SYT6: variants seen among roughly 807,000 people sequenced by gnomAD.
SYT6 encodes synaptotagmin 6.
Under a neutral mutation model 38.4 loss-of-function variants are expected in SYT6, and 24 were observed. That is an observed-to-expected ratio of 0.62 (90% CI 0.45 to 0.88). SYT6 has a LOEUF of 0.88. SYT6 is among the 40% of genes least tolerant of loss of function. SYT6 has a pLI of 0.00. For synonymous variants in SYT6, 265 were observed against 241.9 expected (o/e 1.10, Z -0.89); for missense variants, 611 against 621.0 (o/e 0.98, Z 0.17).
intron 3 of SYT6, among the ~76,000 whole-genome samples, chr1:114,113,887 A>G (rs1676836425): frequency 6.6e-6 from 1 of 152,186 alleles, no homozygotes; most frequent in South Asian, 2.1e-4. Context: ...CACTAGGAAT[A>G]AAAACAAAAG....
intron 4 of SYT6, among the ~76,000 whole-genome samples, chr1:114,100,631 C>G (rs969269712): frequency 6.6e-6 from 1 of 152,222 alleles, no homozygotes; most frequent in Non-Finnish European, 1.5e-5. Flanking sequence ...TTTAATCAAC[C>G]TGCTGTCTCA....
At chr1:114,122,384 A>T (rs957863860) in intron 3 of SYT6, among the ~76,000 whole-genome samples, 1 of 152,192 alleles carries the variant, frequency 6.6e-6, no homozygotes, top group Non-Finnish European at 1.5e-5. Context: ...GGAGTCCTCC[A>T]GGGGGAGGAG....
chr1:114,122,276 T>C (rs1034579221), intron 3 of SYT6, among the ~76,000 whole-genome samples: 8 of 152,308 alleles, frequency 5.3e-5, no homozygotes, highest in Admixed American at 5.2e-4. Flanking sequence ...TTAAGGTTAT[T>C]CCTAAGCGCA....
At chr1:114,130,939 C>T (rs1466885954) in intron 3 of SYT6, among the ~76,000 whole-genome samples, 2 of 152,206 alleles carry the variant, frequency 1.3e-5, no homozygotes, top group Non-Finnish European at 2.9e-5. Context: ...CACAGTGGAT[C>T]AATTAGCTGA....
chr1:114,114,832 T>C (rs1676897544), intron 3 of SYT6, among the ~76,000 whole-genome samples: 1 of 152,202 alleles, frequency 6.6e-6, no homozygotes, highest in South Asian at 2.1e-4. Flanking sequence ...AAGCAAAAGT[T>C]AAGGCATAAA....
At position 114,137,761 on chromosome 1, in the gene SYT6, C is replaced by A; in HGVS notation, c.805G>T (p.Val269Phe). The A allele has an allele frequency of 6.2e-7, 1 of 1,614,132 alleles. No homozygotes were observed. The highest frequency in any genetic ancestry group is 1.1e-5 in the South Asian group (1 of 91,074). Residue 269 changes from valine to phenylalanine, a missense_variant, in exon 3 of 8, where the codon GTC becomes TTC. Val to Phe is a conservative substitution (Grantham distance 50). Coordinates refer to ENST00000610222, the MANE Select transcript of SYT6 (RefSeq NM_001253772.2). Reference sequence around the variant, plus strand: ...CGGTCAGGCAGGAGGTAGATCTTGACATAAGGGTCAGAGCTTCCACAAAAG... The same window carrying A: ...CGGTCAGGCAGGAGGTAGATCTTGAAATAAGGGTCAGAGCTTCCACAAAAG... ...KDFCGSSDPY[V>F]KIYLLPDRKC... is the part of the protein sequence containing the mutation.
chr1:114,092,963 A>AC (rs1337986179), intron 7 of SYT6, among the ~76,000 whole-genome samples: 1 of 152,102 alleles, frequency 6.6e-6, no homozygotes, highest in Non-Finnish European at 1.5e-5. Flanking sequence ...GGCTGAAGAG[A>AC]CCCAGTACTG....
intron 3 of SYT6, among the ~76,000 whole-genome samples, chr1:114,129,580 CTTT>C (rs2101062897): frequency 1.0e-5 from 1 of 96,464 alleles, no homozygotes; most frequent in African/African-American, 3.8e-5. Flanking sequence ...TTCTTTCTTT[CTTT>C]CTTTCTTTCT....
At chr1:114,101,872 G>T (rs1197522701) in intron 4 of SYT6, among the ~76,000 whole-genome samples, 4 of 152,128 alleles carry the variant, frequency 2.6e-5, no homozygotes, top group Admixed American at 6.5e-5. Flanking sequence ...CCAGATACTT[G>T]CTTACATCAA....
chr1:114,106,800 A>C (rs1676348638), intron 3 of SYT6, among the ~76,000 whole-genome samples: 1 of 151,916 alleles, frequency 6.6e-6, no homozygotes, highest in Non-Finnish European at 1.5e-5. Context: ...GTCCTCGAAC[A>C]GCTCACAGGA....
intron 3 of SYT6, among the ~76,000 whole-genome samples, chr1:114,135,510 TTGAGGA>T (rs1678424442): frequency 6.6e-6 from 1 of 151,612 alleles, no homozygotes; most frequent in South Asian, 2.1e-4. Context: ...ATGATACTAG[TTGAGGA>T]TGATGAGGAT....
chr1:114,152,903 C>G lies in SYT6; in HGVS notation c.163+707G>C, dbSNP rs896009673. Reference sequence around the variant, plus strand: ...AGTCGGCTAGAGGCGCCAGCTCAGTCGCGCACCGGCCCCGAGTCCGAGTCC... The same window carrying G: ...AGTCGGCTAGAGGCGCCAGCTCAGTGGCGCACCGGCCCCGAGTCCGAGTCC... On this transcript the variant is annotated intron_variant, in intron 1 of 7. Coordinates refer to ENST00000610222, the MANE Select transcript of SYT6 (RefSeq NM_001253772.2). The G allele has an allele frequency of 2.6e-5, 4 of 152,346 alleles. No individual in the cohort carries two copies. In the East Asian group the frequency reaches 5.8e-4, roughly 22 times the overall value. 9.4% of individuals were successfully genotyped at this position (152,346 alleles called of 1,614,324 possible). A position where few individuals can be genotyped will look rare whatever the true frequency, so the allele number is the denominator to read the frequency against.
chr1:114,140,619 G>A (rs1678813570), intron 1 of SYT6, among the ~76,000 whole-genome samples: 1 of 152,090 alleles, frequency 6.6e-6, no homozygotes, highest in Non-Finnish European at 1.5e-5. Context: ...GTGCATAGTA[G>A]GCTCAATAAA....
At chr1:114,120,561 T>C (rs1025391792) in intron 3 of SYT6, among the ~76,000 whole-genome samples, 2 of 152,238 alleles carry the variant, frequency 1.3e-5, no homozygotes, top group African/African-American at 2.4e-5. Flanking sequence ...AAATCTTTTC[T>C]GGAGCAACAC....
At chr1:114,124,941 A>G (rs1323528067) in intron 3 of SYT6, among the ~76,000 whole-genome samples, 2 of 152,246 alleles carry the variant, frequency 1.3e-5, no homozygotes, top group African/African-American at 2.4e-5. Context: ...GGCAGGGGTG[A>G]GGAATGAATA....
chr1:114,095,990 G>A (rs989920239), intron 6 of SYT6, among the ~76,000 whole-genome samples: 3 of 151,076 alleles, frequency 2.0e-5, no homozygotes, highest in East Asian at 1.9e-4. Flanking sequence ...CCCTACAGCC[G>A]ACCAGAGGCC....
At chr1:114,143,171 TTAA>T (rs946156773) in intron 1 of SYT6, among the ~76,000 whole-genome samples, 1 of 139,960 alleles carries the variant, frequency 7.1e-6, no homozygotes, top group East Asian at 2.0e-4. Flanking sequence ...CTGTATACAC[TTAA>T]TAGACTACAG....
intron 4 of SYT6, 111 bp downstream of exon 4, chr1:114,103,490 G>T: frequency 6.9e-7 from 1 of 1,446,922 alleles, no homozygotes; most frequent in Non-Finnish European, 9.4e-7. Flanking sequence ...TGTGTCCAGA[G>T]CTGGTGCTTC....
At chr1:114,111,265 C>G (rs573307987) in intron 3 of SYT6, among the ~76,000 whole-genome samples, 1 of 152,170 alleles carries the variant, frequency 6.6e-6, no homozygotes, top group African/African-American at 2.4e-5. Flanking sequence ...AGTGCTTATA[C>G]GTATGATGTC....
Sources: gnomAD v4.1 joint callset for allele counts (sites outside exome capture counted in the v4.1 genomes callset) on GRCh38, gnomAD v4.1.1 for gene constraint, MANE v1.5 for transcripts, NCBI Gene and HGNC (gene_info 2026-07-23, HGNC 2026-07-21) for gene names.